The following USP12 variants were observed in gnomAD, a reference collection of about 807,000 sequenced individuals.
USP12 encodes the protein ubiquitin specific peptidase 12.
USP12 carries 19 observed loss-of-function variants against 45.5 expected under a neutral mutation model. That is an observed-to-expected ratio of 0.42 (90% CI 0.29 to 0.61). The LOEUF (loss-of-function observed/expected upper bound fraction) is 0.61. Ranked by LOEUF, USP12 falls within the 20% of genes least tolerant of loss-of-function variation. The probability of loss-of-function intolerance (pLI) is 0.22; values close to 1 mark genes in which losing one functional copy is unlikely to be tolerated. For missense variants in USP12, 242 were observed against 447.7 expected, an observed-to-expected ratio of 0.54 and a Z score of 4.15; for synonymous variants, 149 against 148.8, an observed-to-expected ratio of 1.00 and a Z score of -0.01.
At position 27,171,684 on chromosome 13, in the gene USP12, C is replaced by T. The variant is rs1009993505; in HGVS notation, c.-45G>A. The T allele has an allele frequency of 2.7e-6, 3 of 1,125,762 alleles. No homozygotes were observed. The highest frequency in any genetic ancestry group is 3.4e-6 in the Non-Finnish European group (3 of 875,972). The allele number at this position is 1,125,762 out of a possible 1,614,324, so 69.7% of individuals were successfully genotyped here. On this transcript the variant is annotated 5_prime_UTR_variant, in exon 1 of 9. Transcript: ENST00000282344. ...ACCCAATCACAGCGGCGGCGGCGGG[C>T]GGGGGAGGAGGGGAGCCGGGCCGCC...
intron 6 of USP12, among the ~76,000 whole-genome samples, chr13:27,079,093 A>G (rs978941157): frequency 1.3e-5 from 2 of 151,968 alleles, no homozygotes; most frequent in Admixed American, 6.6e-5. Flanking sequence ...AAATTAGAAT[A>G]TATTTTTAAA....
At chr13:27,135,149 T>A (rs915183407) in intron 1 of USP12, among the ~76,000 whole-genome samples, 1 of 151,890 alleles carries the variant, frequency 6.6e-6, no homozygotes, top group African/African-American at 2.4e-5. Flanking sequence ...TTAGCTGGCA[T>A]GGTGGAGTGC....
At chr13:27,105,416 A>C (rs966409751) in intron 3 of USP12, among the ~76,000 whole-genome samples, 5 of 152,374 alleles carry the variant, frequency 3.3e-5, no homozygotes, top group African/African-American at 1.2e-4. Flanking sequence ...GCAAAAAAAA[A>C]GAAACAAAAA....
chr13:27,114,939 G>A (rs1875653456), intron 2 of USP12, among the ~76,000 whole-genome samples: 1 of 152,210 alleles, frequency 6.6e-6, no homozygotes, highest in South Asian at 2.1e-4. Flanking sequence ...GAGCTGTGAT[G>A]GCACCACCAC....
At chr13:27,125,079 C>T (rs1280368400) in intron 1 of USP12, among the ~76,000 whole-genome samples, 1 of 152,082 alleles carries the variant, frequency 6.6e-6, no homozygotes, top group East Asian at 1.9e-4. Flanking sequence ...TTGCAGTGGA[C>T]CACTACCATC....
intron 8 of USP12, among the ~76,000 whole-genome samples, 165 bp from the exon 9 acceptor site, chr13:27,069,549 A>G (rs888118737): frequency 2.0e-5 from 3 of 152,244 alleles, no homozygotes; most frequent in South Asian, 2.1e-4. Flanking sequence ...ATAAATACCT[A>G]TCTTCTAAAG....
intron 1 of USP12, among the ~76,000 whole-genome samples, chr13:27,166,937 C>G (rs1878371139): frequency 6.6e-6 from 1 of 152,088 alleles, no homozygotes; most frequent in Non-Finnish European, 1.5e-5. Flanking sequence ...TAAAATTGGG[C>G]AAATTTTAGG....
At chr13:27,171,563 GC>G in intron 1 of USP12, 28 bp downstream of exon 1, 1 of 1,228,370 alleles carries the variant, frequency 8.1e-7, no homozygotes, top group Non-Finnish European at 1.1e-6. Context: ...GGTCCCGGCA[GC>G]CCCGGCCGCC....
intron 1 of USP12, among the ~76,000 whole-genome samples, chr13:27,121,973 C>T (rs57105623): frequency 2.6e-5 from 4 of 152,100 alleles, no homozygotes; most frequent in Admixed American, 2.6e-4. Context: ...AGACTCTAAG[C>T]AGACTTTTAA....
chr13:27,147,475 T>TA (rs749179409), intron 1 of USP12, among the ~76,000 whole-genome samples: 3 of 152,072 alleles, frequency 2.0e-5, no homozygotes, highest in Non-Finnish European at 4.4e-5. Context: ...GTCCAATTTT[T>TA]AAAAAAATAC....
At chr13:27,155,156 A>G (rs547264472) in intron 1 of USP12, among the ~76,000 whole-genome samples, 1 of 127,118 alleles carries the variant, frequency 7.9e-6, no homozygotes, top group East Asian at 2.6e-4. Flanking sequence ...ATCTCGGCTC[A>G]TTGCAACCTC....
At chr13:27,087,120 T>TGC (rs2137767357) in intron 6 of USP12, among the ~76,000 whole-genome samples, 1 of 151,626 alleles carries the variant, frequency 6.6e-6, no homozygotes, top group Non-Finnish European at 1.5e-5. Flanking sequence ...TGTGTGTGTG[T>TGC]GTGCGTGTGT....
intron 1 of USP12, among the ~76,000 whole-genome samples, chr13:27,134,388 A>G (rs1876689148): frequency 6.6e-6 from 1 of 152,226 alleles, no homozygotes; most frequent in Admixed American, 6.5e-5. Flanking sequence ...AGAAAAAAAG[A>G]GGAGAATAAG....
intron 1 of USP12, among the ~76,000 whole-genome samples, chr13:27,163,768 TAAAAAAAAAAAAAAAAAGAAA>T (rs1334833478): frequency 6.0e-5 from 5 of 83,298 alleles, no homozygotes; most frequent in East Asian, 6.2e-4. Flanking sequence ...AGACCTGTCT[TAAAAAAAAAAAAAAAAAGAAA>T]AAAAAAAAAG....
chr13:27,101,671 C>T (rs1874866958), intron 3 of USP12, among the ~76,000 whole-genome samples: 3 of 152,002 alleles, frequency 2.0e-5, no homozygotes, highest in Admixed American at 2.0e-4. Context: ...AAATGAAAAA[C>T]ACTGCTTAAA....
At chr13:27,165,575 G>A (rs1439881733) in intron 1 of USP12, among the ~76,000 whole-genome samples, 1 of 152,116 alleles carries the variant, frequency 6.6e-6, no homozygotes, top group Non-Finnish European at 1.5e-5. Flanking sequence ...TGAACTAGAT[G>A]TTATTTTACT....
intron 1 of USP12, among the ~76,000 whole-genome samples, chr13:27,171,144 C>T (rs1362786669): frequency 6.6e-6 from 1 of 150,990 alleles, no homozygotes; most frequent in African/African-American, 2.4e-5. Flanking sequence ...GGAAATGGAG[C>T]CCGCGCGGCT....
At chr13:27,105,976 T>C in intron 2 of USP12, 32 bp from the exon 3 acceptor site, 1 of 1,560,178 alleles carries the variant, frequency 6.4e-7, no homozygotes. Flanking sequence ...TTTGTTAAAT[T>C]TAGGGCAACA....
At chr13:27,095,167 T>C (rs1395382181) in intron 4 of USP12, among the ~76,000 whole-genome samples, 1 of 152,140 alleles carries the variant, frequency 6.6e-6, no homozygotes, top group African/African-American at 2.4e-5. Context: ...TTACAAAGTG[T>C]CCAGCAAGTG....
Sources: allele counts gnomAD v4.1 joint callset (sites outside exome capture counted in the v4.1 genomes callset), GRCh38; gene constraint gnomAD v4.1.1; transcripts MANE v1.5; gene names NCBI Gene and HGNC (gene_info 2026-07-23, HGNC 2026-07-21).